Variants in NOX4 observed in about 807,000 individuals in gnomAD.
NOX4 encodes the protein kidney oxidase-1.
In NOX4, 69 loss-of-function variants were observed where a neutral mutation model predicts 87.6. The observed-to-expected ratio is 0.79, with a 90% confidence interval of 0.65 to 0.96. NOX4 has a LOEUF of 0.96. NOX4 is among the 40% of genes least tolerant of loss of function. The probability of loss-of-function intolerance (pLI) is 0.00; values close to 1 mark genes in which losing one functional copy is unlikely to be tolerated. For missense variants in NOX4, 680 were observed against 681.5 expected, an observed-to-expected ratio of 1.00 and a Z score of 0.02; for synonymous variants, 275 against 238.2, an observed-to-expected ratio of 1.15 and a Z score of -1.42.
At chr11:89,398,049 T>C (rs1005230558) in intron 11 of NOX4, among the ~76,000 whole-genome samples, 4 of 152,028 alleles carry the variant, frequency 2.6e-5, no homozygotes, top group Non-Finnish European at 5.9e-5. Flanking sequence ...CTGATGAACA[T>C]TGATGCAAAT....
At chr11:89,336,288 G>A (rs944064853) in intron 16 of NOX4, among the ~76,000 whole-genome samples, 4 of 151,878 alleles carry the variant, frequency 2.6e-5, no homozygotes, top group Non-Finnish European at 5.9e-5. Flanking sequence ...TTAGACTTCA[G>A]TTAGTTGTTT....
At chr11:89,534,962 G>A in the NOX4 span, among the ~76,000 whole-genome samples, 75 of 152,182 alleles carry the variant, frequency 4.9e-4, 1 homozygote, top group South Asian at 0.014. Flanking sequence ...CTTTTTTCCC[G>A]CAATTTTAAA....
intron 4 of NOX4, 107 bp from the exon 5 acceptor site, chr11:89,444,339 C>A: frequency 1.3e-6 from 1 of 798,670 alleles, no homozygotes; most frequent in Non-Finnish European, 2.1e-6. Flanking sequence ...ACTTTGACAG[C>A]TATGTGGACA....
chr11:89,369,869 T>A (rs1008450866), intron 12 of NOX4, among the ~76,000 whole-genome samples: 2 of 151,872 alleles, frequency 1.3e-5, no homozygotes, highest in African/African-American at 4.8e-5. Flanking sequence ...CATAATAAAG[T>A]AATAACATTA....
intron 7 of NOX4, among the ~76,000 whole-genome samples, chr11:89,422,218 G>A (rs1943120670): frequency 6.6e-6 from 1 of 151,984 alleles, no homozygotes; most frequent in African/African-American, 2.4e-5. Context: ...AAAGACACAT[G>A]GAAATAATAA....
chr11:89,454,547 G>T (rs1945105137), intron 2 of NOX4, among the ~76,000 whole-genome samples: 1 of 152,078 alleles, frequency 6.6e-6, no homozygotes, highest in Non-Finnish European at 1.5e-5. Flanking sequence ...CTGTTTACAA[G>T]TTATGAAACA....
intron 2 of NOX4, among the ~76,000 whole-genome samples, chr11:89,452,335 T>C (rs118034705): frequency 6.6e-6 from 1 of 152,220 alleles, no homozygotes; most frequent in Non-Finnish European, 1.5e-5. Flanking sequence ...ACACTCTCAG[T>C]CTCCACACAA....
At chr11:89,488,879 G>A (rs1376444979) in intron 2 of NOX4, 6 of 637,114 alleles carry the variant, frequency 9.4e-6, no homozygotes, top group Non-Finnish European at 5.6e-6. Flanking sequence ...CTTGTTTATT[G>A]AATTATAATT....
At chr11:89,552,586 A>T in the NOX4 span, among the ~76,000 whole-genome samples, 2 of 152,160 alleles carry the variant, frequency 1.3e-5, no homozygotes, top group African/African-American at 2.4e-5. Flanking sequence ...TTCCTCAGTT[A>T]CATTTATTTA....
chr11:89,407,357 G>T, intron 8 of NOX4, among the ~76,000 whole-genome samples: 1 of 152,066 alleles, frequency 6.6e-6, no homozygotes. Context: ...GAGGGATGAG[G>T]AAAGGAGGTG....
intron 14 of NOX4, among the ~76,000 whole-genome samples, chr11:89,340,409 GTGTTAAA>G (rs66522506): frequency 0.48 from 72,946 of 151,168 alleles, 19,148 homozygotes; most frequent in African/African-American, 0.72. Context: ...AGGTGTTTAA[GTGTTAAA>G]TGTTAAATGA....
Position 89,438,831 on chromosome 11 carries a change from T to A in NOX4, c.475+1857A>T, listed in dbSNP as rs1430305046. 2.9e-3 allele frequency among the ~76,000 whole-genome samples: 87 copies of A among 30,150 alleles called. 1 individual carries two copies. Among genetic ancestry groups the A allele is most frequent in the Middle Eastern group, 0.031 (1 of 32 alleles). The allele number at this position is 30,150 out of a possible 152,430, so 19.8% of individuals were successfully genotyped here. Reference sequence around the variant, plus strand: ...ATATTATATATATTATATAATATCTTATATATTATATATATTATATAATAT... The same window carrying A: ...ATATTATATATATTATATAATATCTAATATATTATATATATTATATAATAT... On this transcript the variant is annotated intron_variant, in intron 6 of 17. Transcript: ENST00000263317.
Position 89,442,066 on chromosome 11 carries a change from T to C in NOX4, c.448-1351A>G, listed in dbSNP as rs201519075. 1.9e-4 allele frequency among the ~76,000 whole-genome samples: 28 copies of C among 149,688 alleles called. No individual in the cohort carries two copies. The East Asian group carries it at 3.7e-3, about 20-fold the overall frequency. On this transcript the variant is annotated intron_variant, in intron 5 of 17. Transcript: ENST00000263317. ...CATAATATTTAAATACATAAGTATATATACACTTATTTTCATCTACATCTA... is the reference window on the plus strand; with the variant it reads ...CATAATATTTAAATACATAAGTATACATACACTTATTTTCATCTACATCTA...
intron 11 of NOX4, among the ~76,000 whole-genome samples, chr11:89,378,121 G>C (rs961233891): frequency 6.6e-6 from 1 of 152,050 alleles, no homozygotes; most frequent in Non-Finnish European, 1.5e-5. Flanking sequence ...TTAACCTTTT[G>C]TGTCACCCTG....
At chr11:89,490,980 C>T in intron 1 of NOX4, 1 of 713,334 alleles carries the variant, frequency 1.4e-6, no homozygotes, top group Admixed American at 2.0e-5. Context: ...CATCAATGTG[C>T]AGAAAAATTC....
chr11:89,453,616 T>C (rs1945061290), intron 2 of NOX4, among the ~76,000 whole-genome samples: 2 of 152,192 alleles, frequency 1.3e-5, no homozygotes, highest in Admixed American at 1.3e-4. Flanking sequence ...TAGCCACACA[T>C]AGTTTGGATC....
chr11:89,466,704 T>C (rs1945711115), intron 2 of NOX4, among the ~76,000 whole-genome samples: 1 of 152,172 alleles, frequency 6.6e-6, no homozygotes, highest in Non-Finnish European at 1.5e-5. Flanking sequence ...ATCAAATAAC[T>C]TGATAAGCAA....
At chr11:89,535,406 T>A in the NOX4 span, among the ~76,000 whole-genome samples, 1 of 152,240 alleles carries the variant, frequency 6.6e-6, no homozygotes, top group Non-Finnish European at 1.5e-5. Context: ...TCTCACTGAT[T>A]TTTCAGTGGC....
chr11:89,385,901 T>G (rs894079234), intron 11 of NOX4, among the ~76,000 whole-genome samples: 3 of 152,264 alleles, frequency 2.0e-5, no homozygotes, highest in Middle Eastern at 3.4e-3. Context: ...ATTCCTTGGT[T>G]TGGCCTTCCC....
Sources: allele counts gnomAD v4.1 joint callset (sites outside exome capture counted in the v4.1 genomes callset), GRCh38; gene constraint gnomAD v4.1.1; transcripts MANE v1.5; gene names NCBI Gene and HGNC (gene_info 2026-07-23, HGNC 2026-07-21).